The following CFAP300 variants were observed in gnomAD, a reference collection of about 807,000 sequenced individuals.
CFAP300 encodes the protein cilia- and flagella-associated protein 300.
Under a neutral mutation model 33.0 loss-of-function variants are expected in CFAP300, and 32 were observed. The ratio of observed to expected loss-of-function variants is 0.97; its 90% CI spans 0.73 to 1.30. The LOEUF is 1.30. CFAP300 is among the 50% of genes most tolerant of loss of function. The pLI is 0.00. For synonymous variants in CFAP300, 102 were observed against 106.8 expected, an observed-to-expected ratio of 0.95 and a Z score of 0.28; for missense variants, 356 against 318.1, an observed-to-expected ratio of 1.12 and a Z score of -0.90.
rs142113743 is a variant in CFAP300 at position 102,066,640 on chromosome 11, G to A, written c.424G>A (p.Glu142Lys). ...TTGTGATCCATTTCTCATTTCTGAT[G>A]AGTTACGAAGAGTAAGTACAGAATT... ...SFCDPFLISD[E>K]LRRVLLVEDS... is the part of the protein sequence containing the mutation. Residue 142 changes from glutamate (E) to lysine (K), a missense_variant, in exon 4 of 7, where the codon GAG (glutamate) becomes AAG (lysine). Physicochemically the swap from Glu to Lys is moderately conservative, Grantham distance 56. Coordinates refer to ENST00000434758, the MANE Select transcript of CFAP300 (RefSeq NM_032930.3). 2 of 1,600,498 alleles carry A rather than the reference G, an allele frequency of 1.2e-6. No homozygotes were observed. The highest frequency in any genetic ancestry group is 2.7e-5 in the African/African-American group (2 of 74,356).
chr11:102,079,092 G>T (rs1481322867), intron 5 of CFAP300, among the ~76,000 whole-genome samples: 1 of 152,158 alleles, frequency 6.6e-6, no homozygotes, highest in Non-Finnish European at 1.5e-5. Flanking sequence ...CTGATTTGAT[G>T]AACACTTTTA....
intron 2 of CFAP300, among the ~76,000 whole-genome samples, chr11:102,052,279 CTT>C (rs1565387442): frequency 6.6e-6 from 1 of 152,026 alleles, no homozygotes. Context: ...ATTAAATTTT[CTT>C]TTTTTAAGAG....
chr11:102,050,878 G>A lies in CFAP300; in HGVS notation c.192+2982G>A, dbSNP rs115565630. Among the ~76,000 whole-genome samples the A allele has an allele frequency of 2.0e-3, 309 of 152,312 alleles. 2 individuals are homozygous for A. Among genetic ancestry groups the A allele is most frequent in the African/African-American group, 7.2e-3 (299 of 41,564 alleles). ...CTAAGAAGGAGAAGTTTTTAAGACA[G>A]ACTTTAAATGTTAAAATATTGAGAT... is the stretch of plus-strand genomic sequence containing the variant. On this transcript the variant is annotated intron_variant, in intron 2 of 6. Transcript: ENST00000434758.
chr11:102,058,184 A>T (rs1049684677), intron 2 of CFAP300, among the ~76,000 whole-genome samples: 7 of 152,116 alleles, frequency 4.6e-5, no homozygotes, highest in Non-Finnish European at 1.0e-4. Context: ...CACCCCCGGA[A>T]CATTTTGTGG....
At chr11:102,072,467 AAT>A (rs1942327024) in intron 4 of CFAP300, among the ~76,000 whole-genome samples, 5 of 123,658 alleles carry the variant, frequency 4.0e-5, no homozygotes, top group South Asian at 4.9e-4. Context: ...TTTTTGAGAG[AAT>A]TTTTTTTTTT....
intron 4 of CFAP300, among the ~76,000 whole-genome samples, chr11:102,073,387 G>A (rs1942343037): frequency 6.6e-6 from 1 of 152,206 alleles, no homozygotes; most frequent in Non-Finnish European, 1.5e-5. Flanking sequence ...GGAGCACCCA[G>A]ATGTCAGCAG....
At chr11:102,056,560 T>A (rs1185495022) in intron 2 of CFAP300, among the ~76,000 whole-genome samples, 10 of 152,118 alleles carry the variant, frequency 6.6e-5, no homozygotes, top group Admixed American at 2.0e-4. Context: ...AAATTGAGCA[T>A]CTTTTCCTAA....
chr11:102,055,964 C>T (rs1318673099), intron 2 of CFAP300, among the ~76,000 whole-genome samples: 4 of 151,988 alleles, frequency 2.6e-5, no homozygotes, highest in East Asian at 1.9e-4. Flanking sequence ...CCACCGCGCC[C>T]GGCCCTAAAC....
intron 4 of CFAP300, among the ~76,000 whole-genome samples, chr11:102,073,311 G>C (rs992308360): frequency 1.3e-5 from 2 of 152,202 alleles, no homozygotes; most frequent in African/African-American, 4.8e-5. Context: ...CAGGGAGCAA[G>C]TATGGGTGGG....
intron 4 of CFAP300, among the ~76,000 whole-genome samples, chr11:102,073,783 C>A (rs2135044164): frequency 6.6e-6 from 1 of 152,106 alleles, no homozygotes; most frequent in South Asian, 2.1e-4. Context: ...CTTCAGGGCA[C>A]ATGCAAGTGT....
chr11:102,055,256 G>C (rs1321016704), intron 2 of CFAP300, among the ~76,000 whole-genome samples: 2 of 151,974 alleles, frequency 1.3e-5, no homozygotes, highest in African/African-American at 4.8e-5. Flanking sequence ...TGGGATTACA[G>C]GTGTGAGTCA....
At chr11:102,078,147 C>T (rs753471337) in intron 5 of CFAP300, among the ~76,000 whole-genome samples, 3 of 152,166 alleles carry the variant, frequency 2.0e-5, no homozygotes, top group African/African-American at 7.2e-5. Context: ...CCTGCCTCAG[C>T]CTCCCAAAGT....
At chr11:102,068,374 CTTAG>C (rs2135036432) in intron 4 of CFAP300, among the ~76,000 whole-genome samples, 1 of 152,304 alleles carries the variant, frequency 6.6e-6, no homozygotes. Flanking sequence ...CACTCATTAA[CTTAG>C]TTAAAGAAGA....
At position 102,047,824 on chromosome 11, in the gene CFAP300, G is replaced by A. The variant is rs747740931; in HGVS notation, c.120G>A (p.Leu40=). ...TCCTCCTCTGCCCCAGGTCCATGCT[G>A]GGCAGAATCAAGGCGCAGGCGTTCG... ...ITSRLRQWSM[L]GRIKAQAFGF... is the part of the protein sequence containing the mutation. Residue 40 remains leucine (L), a synonymous_variant, in exon 2 of 7, where the codon CTG becomes CTA. Transcript: ENST00000434758. The A allele has an allele frequency of 3.1e-6, 5 of 1,614,022 alleles. No individual in the cohort carries two copies. Among genetic ancestry groups the A allele is most frequent in the African/African-American group, 1.3e-5 (1 of 74,918 alleles).
chr11:102,077,203 G>A (rs980374285), intron 5 of CFAP300, among the ~76,000 whole-genome samples: 10 of 152,136 alleles, frequency 6.6e-5, no homozygotes, highest in African/African-American at 2.4e-4. Flanking sequence ...TGTGTGCTGT[G>A]GAGGAGGAGA....
In CFAP300 at chr11:102,076,004, A is replaced by G. The variant is rs529008192; in HGVS notation, c.567A>G (p.Pro189=). The part of the protein sequence containing the change: ...ALCQYEDVIS[P]YLETTKLIYK... The stretch of plus-strand genomic sequence containing the variant: ...GTCAATATGAGGATGTGATTAGCCC[A>G]TATCTGGAAACAACAAAGCTTATCT... Residue 189 remains proline (P), a synonymous_variant, in exon 5 of 7, where the codon CCA becomes CCG. Transcript: ENST00000434758. 28 of 1,613,334 alleles carry G rather than the reference A, an allele frequency of 1.7e-5. No individual in the cohort carries two copies. In the South Asian group the frequency reaches 2.0e-4, roughly 11 times the overall value.
In CFAP300 at chr11:102,084,108, T is replaced by C. The variant is rs557028233; in HGVS notation, c.*909T>C. 2.2e-3 allele frequency: 333 copies of C among 152,348 alleles called. 1 individual carries two copies. Among genetic ancestry groups the C allele is most frequent in the African/African-American group, 7.7e-3 (321 of 41,586 alleles). The allele number at this position is 152,348 out of a possible 1,614,324, so 9.4% of individuals were successfully genotyped here. A position where few individuals can be genotyped will look rare whatever the true frequency, so the allele number is the denominator to read the frequency against. ...TCCCACGGCTAATACAAGAGCTACA[T>C]GTAAACAGAGAAAGTTGCCTGATGG... is the stretch of plus-strand genomic sequence containing the variant. On this transcript the variant is annotated 3_prime_UTR_variant, in exon 7 of 7. Coordinates refer to ENST00000434758, the MANE Select transcript of CFAP300 (RefSeq NM_032930.3).
chr11:102,072,603 A>G (rs558498893), intron 4 of CFAP300, among the ~76,000 whole-genome samples: 9 of 152,152 alleles, frequency 5.9e-5, no homozygotes, highest in Admixed American at 5.2e-4. Flanking sequence ...ATGCCTGGCC[A>G]TATCATTATT....
chr11:102,074,140 C>T (rs2135044638), intron 4 of CFAP300, among the ~76,000 whole-genome samples: 1 of 151,746 alleles, frequency 6.6e-6, no homozygotes, highest in Admixed American at 6.6e-5. Flanking sequence ...CTTTTGGGCC[C>T]CAAGGAAGGA....
Sources: gnomAD v4.1 joint callset for allele counts (sites outside exome capture counted in the v4.1 genomes callset) on GRCh38, gnomAD v4.1.1 for gene constraint, MANE v1.5 for transcripts, NCBI Gene and HGNC (gene_info 2026-07-23, HGNC 2026-07-21) for gene names.